Variants in ATP8A2 observed in about 807,000 individuals in gnomAD.
The protein encoded by ATP8A2 is ATPase phospholipid transporting 8A2, also known as phospholipid-transporting ATPase IB.
In ATP8A2, 100 loss-of-function variants were observed where a neutral mutation model predicts 165.6. That is an observed-to-expected ratio of 0.60 (90% CI 0.51 to 0.71). The LOEUF (loss-of-function observed/expected upper bound fraction) is 0.71. ATP8A2 is among the 30% of genes least tolerant of loss of function. ATP8A2 has a pLI of 0.00. For synonymous variants in ATP8A2, 543 were observed against 548.8 expected, an observed-to-expected ratio of 0.99 and a Z score of 0.15; for missense variants, 1,227 against 1,479.5, an observed-to-expected ratio of 0.83 and a Z score of 2.80.
chr13:25,468,183 C>T (rs2035723350), intron 1 of ATP8A2, among the ~76,000 whole-genome samples: 1 of 152,118 alleles, frequency 6.6e-6, no homozygotes, highest in South Asian at 2.1e-4. Flanking sequence ...GGGTTTGGGT[C>T]CACCCAAAAA....
At chr13:25,479,993 A>G (rs1251541044) in intron 2 of ATP8A2, among the ~76,000 whole-genome samples, 1 of 152,210 alleles carries the variant, frequency 6.6e-6, no homozygotes, top group Non-Finnish European at 1.5e-5. Flanking sequence ...GCCCGTTCTC[A>G]ATGAGCTGTT....
Position 25,567,164 on chromosome 13 carries a change from T to C in ATP8A2, c.1473+3133T>C, listed in dbSNP as rs2039338881. The C allele has an allele frequency of 1.5e-5, 5 of 335,272 alleles. No individual in the cohort carries two copies. The Admixed American group carries it at 1.9e-4, about 13-fold the overall frequency. 20.8% of individuals were successfully genotyped at this position (335,272 alleles called of 1,614,324 possible). A position where few individuals can be genotyped will look rare whatever the true frequency, so the allele number is the denominator to read the frequency against. On this transcript the variant is annotated intron_variant, in intron 16 of 36. Coordinates refer to ENST00000381655, the MANE Select transcript of ATP8A2 (RefSeq NM_016529.6). ...TCAGTTCATTTCTGACTCTCACAGG[T>C]GTTCTTTCCAAAGCTGGCCCGGGAC... is the stretch of plus-strand genomic sequence containing the variant.
At position 25,450,783 on chromosome 13, in the gene ATP8A2, G is replaced by A. The variant is rs575816476; in HGVS notation, c.77-18194G>A. On this transcript the variant is annotated intron_variant, in intron 1 of 36. Coordinates refer to ENST00000381655, the MANE Select transcript of ATP8A2 (RefSeq NM_016529.6). ...CCTGACCTCGTAATCTGCCCACCTC[G>A]GCCTCCCAAAGTGCTAGGATTACAG... Among the ~76,000 whole-genome samples the A allele has an allele frequency of 3.8e-3, 574 of 151,928 alleles. 6 individuals carry two copies. The East Asian group carries it at 0.04, about 10-fold the overall frequency.
intron 2 of ATP8A2, among the ~76,000 whole-genome samples, chr13:25,494,327 A>T (rs2036610454): frequency 1.3e-5 from 2 of 152,122 alleles, no homozygotes; most frequent in Admixed American, 1.3e-4. Flanking sequence ...TGTATAGTAG[A>T]TGTAATCTCC....
chr13:25,602,083 C>G (rs1435217788), intron 24 of ATP8A2, among the ~76,000 whole-genome samples: 1 of 152,034 alleles, frequency 6.6e-6, no homozygotes, highest in African/African-American at 2.4e-5. Context: ...ATTAAACTTG[C>G]TTATCAACAT....
In ATP8A2 at chr13:25,450,769, A is replaced by G. The variant is rs573226326; in HGVS notation, c.77-18208A>G. Among the ~76,000 whole-genome samples the G allele has an allele frequency of 4.1e-3, 625 of 151,938 alleles. 7 individuals are homozygous for G. Among genetic ancestry groups the G allele is most frequent in the East Asian group, 0.039 (203 of 5,148 alleles). ...GATGGTCTCAATCTCCTGACCTCGT[A>G]ATCTGCCCACCTCGGCCTCCCAAAG... On this transcript the variant is annotated intron_variant, in intron 1 of 36. Coordinates refer to ENST00000381655, the MANE Select transcript of ATP8A2 (RefSeq NM_016529.6).
intron 33 of ATP8A2, among the ~76,000 whole-genome samples, chr13:25,874,893 A>G (rs1057293948): frequency 3.3e-5 from 5 of 152,232 alleles, no homozygotes; most frequent in African/African-American, 7.2e-5. Context: ...TCACAAAAGA[A>G]GGAAATCCTG....
chr13:25,567,129 A>G, intron 16 of ATP8A2: 1 of 313,266 alleles, frequency 3.2e-6, no homozygotes, highest in South Asian at 2.6e-5. Context: ...GAAAGATTTC[A>G]AAGCTTGGTT....
intron 25 of ATP8A2, among the ~76,000 whole-genome samples, chr13:25,733,314 A>G (rs759462973): frequency 7.2e-5 from 11 of 152,118 alleles, no homozygotes; most frequent in Non-Finnish European, 1.5e-4. Context: ...TTATTGTAGG[A>G]TTGGAAAACA....
chr13:25,593,296 A>G (rs2040142764), intron 24 of ATP8A2, among the ~76,000 whole-genome samples: 1 of 151,926 alleles, frequency 6.6e-6, no homozygotes, highest in East Asian at 1.9e-4. Flanking sequence ...TCTTTATTTC[A>G]TCTCTCATAT....
chr13:25,907,503 C>G (rs1253687942), intron 33 of ATP8A2, among the ~76,000 whole-genome samples: 1 of 152,180 alleles, frequency 6.6e-6, no homozygotes, highest in Non-Finnish European at 1.5e-5. Flanking sequence ...CTGTCTCTAT[C>G]CCTTGCTGTT....
intron 25 of ATP8A2, among the ~76,000 whole-genome samples, chr13:25,733,504 A>G (rs1335512011): frequency 7.3e-6 from 1 of 137,358 alleles, no homozygotes. Flanking sequence ...ATAGGCCATA[A>G]ATGACAAAAA....
intron 25 of ATP8A2, among the ~76,000 whole-genome samples, chr13:25,768,082 G>T (rs191473600): frequency 0.025 from 3,370 of 136,284 alleles, 53 homozygotes; most frequent in Non-Finnish European, 0.038. Context: ...GGCGTGGGGG[G>T]GGGGTGGTGG....
chr13:25,537,857 G>T, intron 6 of ATP8A2, 131 bp from the exon 7 acceptor site: 1 of 523,410 alleles, frequency 1.9e-6, no homozygotes, highest in Non-Finnish European at 3.4e-6. Context: ...AATAATTTGG[G>T]CTTCTCTATC....
intron 24 of ATP8A2, among the ~76,000 whole-genome samples, chr13:25,612,165 T>C (rs932819664): frequency 7.2e-5 from 11 of 152,074 alleles, no homozygotes; most frequent in African/African-American, 2.7e-4. Flanking sequence ...TATTTCTTTT[T>C]TTCTGCTGGG....
chr13:25,951,356 G>A (rs1337286210), intron 33 of ATP8A2, among the ~76,000 whole-genome samples: 1 of 152,200 alleles, frequency 6.6e-6, no homozygotes, highest in Non-Finnish European at 1.5e-5. Flanking sequence ...CCATCTCAGA[G>A]ACATCATGTT....
rs538906143 is a variant in ATP8A2, at chr13:25,954,777, TAACA to T, written c.3184-6793_3184-6790del. On this transcript the variant is annotated intron_variant, in intron 33 of 36. Coordinates refer to ENST00000381655, the MANE Select transcript of ATP8A2 (RefSeq NM_016529.6). ...GGGACCTGACTGTTAGAAGGAAAAC[TAACA>T]AACAGAAAGGAATTTCATCAACATC... is the stretch of plus-strand genomic sequence containing the variant. Among the ~76,000 whole-genome samples, 27 of 152,228 alleles carry T rather than the reference TAACA, an allele frequency of 1.8e-4. No individual in the cohort carries two copies. In the South Asian group the frequency reaches 5.4e-3, roughly 30 times the overall value.
At chr13:25,527,156 T>G (rs1489788570) in intron 2 of ATP8A2, among the ~76,000 whole-genome samples, 4 of 152,154 alleles carry the variant, frequency 2.6e-5, no homozygotes, top group Non-Finnish European at 5.9e-5. Context: ...GAAGCCAGCT[T>G]GCTTCCACGC....
intron 1 of ATP8A2, among the ~76,000 whole-genome samples, chr13:25,375,585 CTTT>C (rs11312033): frequency 1.4e-5 from 2 of 147,718 alleles, no homozygotes; most frequent in African/African-American, 4.9e-5. Context: ...TACAAATATT[CTTT>C]TTTTTTTTTT....
Sources: allele counts gnomAD v4.1 joint callset (sites outside exome capture counted in the v4.1 genomes callset), GRCh38; gene constraint gnomAD v4.1.1; transcripts MANE v1.5; gene names NCBI Gene and HGNC (gene_info 2026-07-23, HGNC 2026-07-21).